Variants in TRAF3IP2 observed in about 807,000 individuals in gnomAD.
The protein encoded by TRAF3IP2 is TRAF3 interacting protein 2, also known as E3 ubiquitin ligase TRAF3IP2.
Under a neutral mutation model 57.9 loss-of-function variants are expected in TRAF3IP2, and 35 were observed. That is an observed-to-expected ratio of 0.60 (90% CI 0.46 to 0.80). TRAF3IP2 has a LOEUF of 0.80. Among genes scored for constraint, TRAF3IP2 ranks in the 30% least tolerant of loss-of-function variants. The probability of loss-of-function intolerance (pLI) is 0.00; values close to 1 mark genes in which losing one functional copy is unlikely to be tolerated. For synonymous variants in TRAF3IP2, 251 were observed against 268.9 expected, an observed-to-expected ratio of 0.93 and a Z score of 0.65; for missense variants, 556 against 706.4, an observed-to-expected ratio of 0.79 and a Z score of 2.41.
chr6:111,588,434 G>A (rs564980562), intron 2 of TRAF3IP2, among the ~76,000 whole-genome samples: 2 of 152,338 alleles, frequency 1.3e-5, no homozygotes, highest in South Asian at 4.1e-4. Flanking sequence ...GCCTTTTAAA[G>A]GAGCCTGCCC....
At chr6:111,597,000 A>C (rs1796713248) in intron 1 of TRAF3IP2, among the ~76,000 whole-genome samples, 1 of 152,226 alleles carries the variant, frequency 6.6e-6, no homozygotes, top group African/African-American at 2.4e-5. Flanking sequence ...TGAATGAATA[A>C]ATAGTTGATG....
At position 111,591,166 on chromosome 6, in the gene TRAF3IP2, A is replaced by T; in HGVS notation, c.829+92T>A. The T allele has an allele frequency of 9.4e-7, 1 of 1,058,766 alleles. No individual in the cohort carries two copies. 65.6% of individuals were successfully genotyped at this position (1,058,766 alleles called of 1,614,324 possible). A position where few individuals can be genotyped will look rare whatever the true frequency, so the allele number is the denominator to read the frequency against. On this transcript the variant is annotated intron_variant, in intron 2 of 8. Coordinates refer to ENST00000368761, the MANE Select transcript of TRAF3IP2 (RefSeq NM_147686.4). This position sits in a 1 kb window ranked among gnomAD's most constrained non-coding sequence, Gnocchi z 4.9. ...GCCCTCCCTGCATTCTGACCTGTTC[A>T]TGCCAGCCTAGTGACACGAAGCATT...
chr6:111,596,484 T>G (rs1796694816), intron 1 of TRAF3IP2, among the ~76,000 whole-genome samples: 1 of 152,114 alleles, frequency 6.6e-6, no homozygotes, highest in South Asian at 2.1e-4. Flanking sequence ...GACGGAGTCT[T>G]GCTCTGTCAC....
At chr6:111,604,083 G>C (rs905204323) in intron 1 of TRAF3IP2, among the ~76,000 whole-genome samples, 1 of 152,182 alleles carries the variant, frequency 6.6e-6, no homozygotes, top group African/African-American at 2.4e-5. Context: ...CAGGGGAATA[G>C]AGAGAAATGC....
At chr6:111,589,690 C>T (rs576876765) in intron 2 of TRAF3IP2, among the ~76,000 whole-genome samples, 1 of 152,304 alleles carries the variant, frequency 6.6e-6, no homozygotes, top group Admixed American at 6.5e-5. Context: ...TCCTGCTTCC[C>T]CAGCCCCTGC....
chr6:111,567,943 T>C (rs996098319), intron 5 of TRAF3IP2, among the ~76,000 whole-genome samples: 2 of 152,250 alleles, frequency 1.3e-5, no homozygotes, highest in African/African-American at 4.8e-5. Flanking sequence ...TCAAAATATA[T>C]CTATGGCTAC....
chr6:111,605,087 T>A (rs80239008), intron 1 of TRAF3IP2, among the ~76,000 whole-genome samples: 5 of 148,372 alleles, frequency 3.4e-5, no homozygotes, highest in East Asian at 2.0e-4. Flanking sequence ...CCTGTTCCTT[T>A]AAAAAAAAAA....
intron 2 of TRAF3IP2, among the ~76,000 whole-genome samples, chr6:111,589,693 G>C (rs1796448739): frequency 6.6e-6 from 1 of 152,004 alleles, no homozygotes; most frequent in Admixed American, 6.6e-5. Flanking sequence ...TGCTTCCCCA[G>C]CCCCTGCCCT....
At chr6:111,564,092 A>G (rs1461494913) in intron 7 of TRAF3IP2, among the ~76,000 whole-genome samples, 1 of 152,138 alleles carries the variant, frequency 6.6e-6, no homozygotes, top group African/African-American at 2.4e-5. Context: ...AGAAAGTGAC[A>G]GTGGTGATAG....
At chr6:111,580,450 G>A (rs1796121302) in intron 2 of TRAF3IP2, 61 bp from the exon 3 acceptor site, 4 of 1,459,858 alleles carry the variant, frequency 2.7e-6, no homozygotes, top group Admixed American at 4.8e-5. Flanking sequence ...CGTGTGAAAG[G>A]AGTCATAAGC....
In TRAF3IP2 at chr6:111,585,022, G is replaced by A. The variant is rs545259995; in HGVS notation, c.830-4633C>T. Among the ~76,000 whole-genome samples, 16 of 152,276 alleles carry A rather than the reference G, an allele frequency of 1.1e-4. 1 individual carries two copies. Among genetic ancestry groups the A allele is most frequent in the African/African-American group, 3.9e-4 (16 of 41,546 alleles). Reference sequence around the variant, plus strand: ...GCTTTTGGTATCTTAATGACATCAAGCTCCTTGCTTCCTTAGCTCCTTGCT... The same window carrying A: ...GCTTTTGGTATCTTAATGACATCAAACTCCTTGCTTCCTTAGCTCCTTGCT... On this transcript the variant is annotated intron_variant, in intron 2 of 8. Transcript: ENST00000368761.
intron 8 of TRAF3IP2, among the ~76,000 whole-genome samples, chr6:111,560,217 G>A (rs1795387254): frequency 6.6e-6 from 1 of 152,200 alleles, no homozygotes. Flanking sequence ...CTTAGGAGAG[G>A]TCTCACTGAG....
intron 4 of TRAF3IP2, chr6:111,573,387 G>A (rs1481418679): frequency 6.1e-6 from 1 of 163,172 alleles, no homozygotes; most frequent in Non-Finnish European, 1.3e-5. Flanking sequence ...CTTGCTAAGG[G>A]ACCACCCAGC....
At chr6:111,567,426 C>T in intron 6 of TRAF3IP2, 198 bp downstream of exon 6, 2 of 1,307,234 alleles carry the variant, frequency 1.5e-6, no homozygotes, top group Non-Finnish European at 1.9e-6. Flanking sequence ...CCGTTATTTC[C>T]TGCCTGTGCA....
chr6:111,580,618 T>A (rs1033881200), intron 2 of TRAF3IP2, among the ~76,000 whole-genome samples: 8 of 152,208 alleles, frequency 5.3e-5, no homozygotes, highest in Non-Finnish European at 1.0e-4. Flanking sequence ...AATCACCAGT[T>A]TGGTATTCCA....
chr6:111,590,482 T>C (rs557015881), intron 2 of TRAF3IP2, among the ~76,000 whole-genome samples: 11 of 152,176 alleles, frequency 7.2e-5, no homozygotes, highest in Non-Finnish European at 1.5e-4. Flanking sequence ...CTAAAACTTA[T>C]TGAATTTTTT....
At chr6:111,598,142 C>A (rs1796755763) in intron 1 of TRAF3IP2, 1 of 282,428 alleles carries the variant, frequency 3.5e-6, no homozygotes, top group Non-Finnish European at 7.0e-6. Context: ...ATACAGAGCC[C>A]AGGCCCCACA....
In TRAF3IP2 at chr6:111,559,348, C is replaced by T; in HGVS notation, c.*57G>A. On this transcript the variant is annotated 3_prime_UTR_variant, in exon 9 of 9. Coordinates refer to ENST00000368761, the MANE Select transcript of TRAF3IP2 (RefSeq NM_147686.4). ...CTACCGACCAGCCTCAGCCAGAATGCTGTCAGAACAAGGCCCCAAACATGG... is the reference window on the plus strand; with the variant it reads ...CTACCGACCAGCCTCAGCCAGAATGTTGTCAGAACAAGGCCCCAAACATGG... 6.3e-7 allele frequency: 1 copy of T among 1,577,710 alleles called. No homozygotes were observed. The highest frequency in any genetic ancestry group is 8.6e-7 in the Non-Finnish European group (1 of 1,163,580).
chr6:111,563,454 C>A (rs528271919), intron 7 of TRAF3IP2, among the ~76,000 whole-genome samples: 7 of 152,198 alleles, frequency 4.6e-5, no homozygotes, highest in Non-Finnish European at 1.0e-4. Context: ...GCCAGCTTAG[C>A]AGAACACCAC....
Sources: gnomAD v4.1 joint callset for allele counts (sites outside exome capture counted in the v4.1 genomes callset) on GRCh38, gnomAD v4.1.1 for gene constraint, Gnocchi (gnomAD v3.1) non-coding constraint, MANE v1.5 for transcripts, NCBI Gene and HGNC (gene_info 2026-07-23, HGNC 2026-07-21) for gene names.